Variants in DIPK1A observed in about 807,000 individuals in gnomAD.
The protein encoded by DIPK1A is family with sequence similarity 69 member A.
DIPK1A carries 27 observed loss-of-function variants against 40.8 expected under a neutral mutation model. The observed-to-expected ratio is 0.66, with a 90% CI of 0.49 to 0.91. DIPK1A has a LOEUF of 0.91. Among genes scored for constraint, DIPK1A ranks in the 40% least tolerant of loss-of-function variants. DIPK1A has a pLI of 0.00. For missense variants in DIPK1A, 412 were observed against 505.7 expected (o/e 0.81, Z 1.78); for synonymous variants, 166 against 171.3 (o/e 0.97, Z 0.24).
chr1:92,932,549 A>T (rs181997654), intron 1 of DIPK1A: 1 of 152,350 alleles, frequency 6.6e-6, no homozygotes, highest in East Asian at 1.9e-4. Flanking sequence ...TGTAAAAAAG[A>T]GAAAGAAATG....
intron 1 of DIPK1A, among the ~76,000 whole-genome samples, chr1:92,929,180 CAT>C (rs1650644409): frequency 2.0e-5 from 3 of 152,174 alleles, no homozygotes; most frequent in South Asian, 4.1e-4. Flanking sequence ...TGTTTCTTCA[CAT>C]GTGTAGTGAT....
intron 4 of DIPK1A, chr1:92,837,122 C>T: frequency 2.5e-6 from 1 of 400,034 alleles, no homozygotes; most frequent in Non-Finnish European, 4.8e-6. Context: ...TCACTTATTC[C>T]CATGTACCCA....
intron 3 of DIPK1A, among the ~76,000 whole-genome samples, chr1:92,849,436 C>T (rs1213573816): frequency 6.6e-6 from 1 of 151,860 alleles, no homozygotes; most frequent in Admixed American, 6.6e-5. Context: ...CAGCCCTGAC[C>T]TCCTGGGCTC....
At chr1:92,917,084 T>C (rs1403943693) in intron 1 of DIPK1A, among the ~76,000 whole-genome samples, 1 of 152,250 alleles carries the variant, frequency 6.6e-6, no homozygotes, top group Admixed American at 6.5e-5. Context: ...AAACATTCAA[T>C]GTTGTTAACA....
At chr1:92,877,142 C>G in intron 1 of DIPK1A, 1 of 985,400 alleles carries the variant, frequency 1.0e-6, no homozygotes, top group South Asian at 4.7e-5. Flanking sequence ...ATAGGATCCT[C>G]TTTGCATTGT....
At chr1:92,955,390 G>A (rs529729470) in intron 1 of DIPK1A, among the ~76,000 whole-genome samples, 33 of 152,196 alleles carry the variant, frequency 2.2e-4, no homozygotes, top group Non-Finnish European at 4.1e-4. Context: ...GTACCATTAT[G>A]TGGGGGATGT....
intron 2 of DIPK1A, among the ~76,000 whole-genome samples, chr1:92,865,041 C>CCAAA (rs1647467724): frequency 1.4e-5 from 1 of 70,442 alleles, no homozygotes; most frequent in Non-Finnish European, 2.5e-5. Flanking sequence ...GACTCCGTCT[C>CCAAA]AAAAAAAAAA....
At position 92,843,156 on chromosome 1, in the gene DIPK1A, T is replaced by G. The variant is rs955418135; in HGVS notation, c.*227A>C. 9.5e-6 allele frequency: 12 copies of G among 1,265,018 alleles called. No individual in the cohort carries two copies. Among genetic ancestry groups the G allele is most frequent in the African/African-American group, 6.2e-5 (4 of 64,796 alleles). The allele number at this position is 1,265,018 out of a possible 1,614,324, so 78.4% of individuals were successfully genotyped here. A position where few individuals can be genotyped will look rare whatever the true frequency, so the allele number is the denominator to read the frequency against. Reference sequence around the variant, plus strand: ...AGTCAAAATAGTTACACAATGAATGTACTTCGGAGATGTAACAGGGCTTCT... The same window carrying G: ...AGTCAAAATAGTTACACAATGAATGGACTTCGGAGATGTAACAGGGCTTCT... On this transcript the variant is annotated 3_prime_UTR_variant, in exon 5 of 5. Transcript: ENST00000370310.
At chr1:92,918,907 T>C (rs1650159521) in intron 1 of DIPK1A, among the ~76,000 whole-genome samples, 1 of 152,204 alleles carries the variant, frequency 6.6e-6, no homozygotes, top group African/African-American at 2.4e-5. Flanking sequence ...GGGTTCCAGC[T>C]CCTGTGAGAA....
intron 2 of DIPK1A, among the ~76,000 whole-genome samples, chr1:92,857,937 C>T (rs143845584): frequency 2.1e-4 from 32 of 152,262 alleles, no homozygotes; most frequent in Admixed American, 7.8e-4. Context: ...ATACCCCTCC[C>T]GAGTGCACCC....
At chr1:92,873,077 TC>T (rs1647950498) in intron 2 of DIPK1A, among the ~76,000 whole-genome samples, 1 of 152,088 alleles carries the variant, frequency 6.6e-6, no homozygotes, top group African/African-American at 2.4e-5. Context: ...ATCAGCAAAT[TC>T]CCCCCAGGGT....
intron 1 of DIPK1A, among the ~76,000 whole-genome samples, chr1:92,884,385 C>T (rs1439480219): frequency 6.6e-6 from 1 of 151,872 alleles, no homozygotes; most frequent in Non-Finnish European, 1.5e-5. Flanking sequence ...CCCAGGAGTT[C>T]AAGGCTACAG....
chr1:92,874,193 A>G (rs1457688877), intron 2 of DIPK1A, among the ~76,000 whole-genome samples: 1 of 152,232 alleles, frequency 6.6e-6, no homozygotes, highest in Non-Finnish European at 1.5e-5. Flanking sequence ...AGTGAAAAGT[A>G]ATGAAGCACT....
At chr1:92,894,207 T>G (rs559094178) in intron 1 of DIPK1A, among the ~76,000 whole-genome samples, 1 of 152,282 alleles carries the variant, frequency 6.6e-6, no homozygotes, top group South Asian at 2.1e-4. Flanking sequence ...TACATTCTTT[T>G]CAGCACCACA....
At chr1:92,907,943 T>C (rs112305402) in intron 1 of DIPK1A, among the ~76,000 whole-genome samples, 2 of 152,314 alleles carry the variant, frequency 1.3e-5, no homozygotes, top group African/African-American at 4.8e-5. Flanking sequence ...CCCAGTTCAC[T>C]GCAAACTCTG....
At chr1:92,853,474 C>A (rs1223760124) in intron 2 of DIPK1A, among the ~76,000 whole-genome samples, 1 of 152,126 alleles carries the variant, frequency 6.6e-6, no homozygotes, top group African/African-American at 2.4e-5. Context: ...TTCTCCATAG[C>A]CACATTCAAT....
At chr1:92,881,359 T>A (rs1473124244) in intron 1 of DIPK1A, among the ~76,000 whole-genome samples, 1 of 145,886 alleles carries the variant, frequency 6.9e-6, no homozygotes, top group East Asian at 2.0e-4. Context: ...GCATTATGAG[T>A]CTACTGGTCA....
intron 2 of DIPK1A, among the ~76,000 whole-genome samples, chr1:92,861,321 C>CTTTTTTTTTTTTTTTTTTTTTT (rs71230876): frequency 1.2e-5 from 1 of 83,546 alleles, no homozygotes; most frequent in African/African-American, 4.6e-5. Flanking sequence ...CTCTCTCTCT[C>CTTTTTTTTTTTTTTTTTTTTTT]TTTTTTTTTT....
intron 3 of DIPK1A, among the ~76,000 whole-genome samples, chr1:92,850,192 A>G (rs1220496437): frequency 4.6e-5 from 7 of 150,848 alleles, no homozygotes; most frequent in African/African-American, 1.7e-4. Context: ...CTGGTCTCAG[A>G]CTCCTGGGCG....
Sources: gnomAD v4.1 joint callset for allele counts (sites outside exome capture counted in the v4.1 genomes callset) on GRCh38, gnomAD v4.1.1 for gene constraint, MANE v1.5 for transcripts, NCBI Gene and HGNC (gene_info 2026-07-23, HGNC 2026-07-21) for gene names.